Variants in YIPF4 observed in about 807,000 individuals in gnomAD.
YIPF4 encodes Yip1 domain family member 4.
In YIPF4, 18 loss-of-function variants were observed where a neutral mutation model predicts 29.4. That is an observed-to-expected ratio of 0.61 (90% confidence interval 0.42 to 0.91). The LOEUF (loss-of-function observed/expected upper bound fraction) is 0.91. Among genes scored for constraint, YIPF4 ranks in the 40% least tolerant of loss-of-function variants. The probability of loss-of-function intolerance (pLI) is 0.00; values close to 1 mark genes in which losing one functional copy is unlikely to be tolerated. For synonymous variants in YIPF4, 115 were observed against 104.7 expected (o/e 1.10, Z -0.60); for missense variants, 279 against 282.7 (o/e 0.99, Z 0.09).
At chr2:32,280,447 T>G (rs1166611375) in intron 1 of YIPF4, among the ~76,000 whole-genome samples, 3 of 150,922 alleles carry the variant, frequency 2.0e-5, no homozygotes, top group Non-Finnish European at 4.4e-5. Flanking sequence ...TGGCGCAGTC[T>G]CAGCTCACTG....
Position 32,277,918 on chromosome 2 carries a change from C to T in YIPF4, c.-238C>T, listed in dbSNP as rs138302898. 1.3e-5 allele frequency: 7 copies of T among 521,174 alleles called. No individual in the cohort carries two copies. In the East Asian group the frequency reaches 1.4e-4, roughly 11 times the overall value. The allele number at this position is 521,174 out of a possible 1,614,324, so 32.3% of individuals were successfully genotyped here. A position where few individuals can be genotyped will look rare whatever the true frequency, so the allele number is the denominator to read the frequency against. On this transcript the variant is annotated 5_prime_UTR_variant, in exon 1 of 6. Coordinates refer to ENST00000238831, the MANE Select transcript of YIPF4 (RefSeq NM_032312.4). ...CCAGCGCCGCTGTCACTGTTATGGT[C>T]CTGTCAGGGTGCCGGCGTCGTGGTG...
At chr2:32,294,385 G>C (rs910693426) in intron 3 of YIPF4, among the ~76,000 whole-genome samples, 2 of 151,960 alleles carry the variant, frequency 1.3e-5, no homozygotes, top group African/African-American at 4.8e-5. Context: ...TCACCTCCCA[G>C]ACGTGGTCGC....
chr2:32,285,160 G>C (rs975082559), intron 1 of YIPF4, among the ~76,000 whole-genome samples: 1 of 152,136 alleles, frequency 6.6e-6, no homozygotes, highest in Non-Finnish European at 1.5e-5. Flanking sequence ...AAAATATTTA[G>C]AGGTAAAACT....
chr2:32,298,850 G>T (rs367572995), intron 4 of YIPF4, among the ~76,000 whole-genome samples: 1 of 151,554 alleles, frequency 6.6e-6, no homozygotes, highest in Non-Finnish European at 1.5e-5. Context: ...GAGCTACTGC[G>T]CCCAGACAAA....
chr2:32,279,722 T>C (rs2030305134), intron 1 of YIPF4, among the ~76,000 whole-genome samples: 1 of 152,060 alleles, frequency 6.6e-6, no homozygotes, highest in African/African-American at 2.4e-5. Context: ...AGAACCTAGA[T>C]TTTCCTAAGA....
At chr2:32,300,402 CCA>C (rs1288526042) in intron 4 of YIPF4, among the ~76,000 whole-genome samples, 2 of 150,450 alleles carry the variant, frequency 1.3e-5, no homozygotes, top group African/African-American at 4.9e-5. Context: ...CCACTGCACT[CCA>C]GTGTGGGCGA....
chr2:32,278,247 C>G lies in YIPF4; in HGVS notation c.79+13C>G, dbSNP rs2030200359. The G allele has an allele frequency of 4.5e-6, 7 of 1,548,390 alleles. No individual in the cohort carries two copies. In the Admixed American group the frequency reaches 1.2e-4, roughly 26 times the overall value. ...GCAGACGCGGAAGGTGAGGCTGAGC[C>G]CCTGGAAGGGCTATCACCCGGAGGA... is the stretch of plus-strand genomic sequence containing the variant. On this transcript the variant is annotated intron_variant, in intron 1 of 5. Transcript: ENST00000238831.
intron 3 of YIPF4, among the ~76,000 whole-genome samples, chr2:32,294,276 G>A (rs112145685): frequency 3.3e-5 from 5 of 151,738 alleles, no homozygotes; most frequent in African/African-American, 1.2e-4. Context: ...CAGACGGGGC[G>A]GCTGCCGGGT....
chr2:32,298,912 C>G (rs2031295289), intron 4 of YIPF4, among the ~76,000 whole-genome samples: 1 of 151,730 alleles, frequency 6.6e-6, no homozygotes, highest in African/African-American at 2.4e-5. Flanking sequence ...GAGTCTCGCT[C>G]TGTCACCCAG....
At chr2:32,283,749 G>A (rs1355025801) in intron 1 of YIPF4, among the ~76,000 whole-genome samples, 5 of 148,178 alleles carry the variant, frequency 3.4e-5, no homozygotes, top group African/African-American at 7.5e-5. Context: ...CAAGAGTCTC[G>A]CTGTGTTGCC....
chr2:32,292,026 A>G, intron 2 of YIPF4, 151 bp from the exon 3 acceptor site: 1 of 472,052 alleles, frequency 2.1e-6, no homozygotes, highest in Non-Finnish European at 3.6e-6. Context: ...TACAGCTTGG[A>G]ATTAGTGAAA....
At chr2:32,292,494 C>T (rs1381068164) in intron 3 of YIPF4, 146 bp downstream of exon 3, 1 of 599,112 alleles carries the variant, frequency 1.7e-6, no homozygotes, top group Non-Finnish European at 2.5e-6. Flanking sequence ...TAAAACCGTT[C>T]CATAATTAAA....
intron 5 of YIPF4, 95 bp downstream of exon 5, chr2:32,301,590 T>C: frequency 1.3e-6 from 1 of 769,178 alleles, no homozygotes; most frequent in Non-Finnish European, 2.1e-6. Context: ...TAAAACTCTT[T>C]ATCAAACAGT....
chr2:32,298,482 C>A (rs762321159), intron 4 of YIPF4, among the ~76,000 whole-genome samples, 171 bp downstream of exon 4: 1 of 151,990 alleles, frequency 6.6e-6, no homozygotes, highest in Non-Finnish European at 1.5e-5. Flanking sequence ...ATAAATAGTA[C>A]AAGAAATGAG....
At chr2:32,295,677 C>G (rs1367514336) in intron 3 of YIPF4, among the ~76,000 whole-genome samples, 1 of 152,168 alleles carries the variant, frequency 6.6e-6, no homozygotes, top group Admixed American at 6.5e-5. Flanking sequence ...GATCTCAGCT[C>G]ACTGCACTTT....
intron 1 of YIPF4, among the ~76,000 whole-genome samples, chr2:32,279,858 A>G (rs1199883183): frequency 2.7e-5 from 4 of 150,156 alleles, no homozygotes; most frequent in Admixed American, 6.6e-5. Context: ...TGTCTATCAA[A>G]GGGAACATAG....
chr2:32,302,867 T>C (rs922968064), intron 5 of YIPF4, among the ~76,000 whole-genome samples: 1 of 152,152 alleles, frequency 6.6e-6, no homozygotes, highest in Non-Finnish European at 1.5e-5. Flanking sequence ...CTTTTAGAAT[T>C]TGGAAACTAT....
At chr2:32,281,341 A>G (rs2030405119) in intron 1 of YIPF4, among the ~76,000 whole-genome samples, 1 of 151,928 alleles carries the variant, frequency 6.6e-6, no homozygotes, top group Admixed American at 6.6e-5. Flanking sequence ...TCCTGGGATC[A>G]AGTGATTCTC....
chr2:32,292,101 T>C (rs2030942821), intron 2 of YIPF4, 76 bp from the exon 3 acceptor site: 2 of 1,032,614 alleles, frequency 1.9e-6, no homozygotes, highest in Admixed American at 3.6e-5. Flanking sequence ...ATTTAAAGTT[T>C]TCTTAATTTT....
Sources: gnomAD v4.1 joint callset for allele counts (sites outside exome capture counted in the v4.1 genomes callset) on GRCh38, gnomAD v4.1.1 for gene constraint, MANE v1.5 for transcripts, NCBI Gene and HGNC (gene_info 2026-07-23, HGNC 2026-07-21) for gene names.